STARD9: variants seen among roughly 807,000 people sequenced by gnomAD.
The protein encoded by STARD9 is stAR-related lipid transfer protein 9.
In STARD9, 346 loss-of-function variants were observed where a neutral mutation model predicts 399.8. The observed-to-expected ratio is 0.87, with a 90% CI of 0.79 to 0.95. The LOEUF (loss-of-function observed/expected upper bound fraction) is 0.95, where lower values mean the gene tolerates loss of function less well. STARD9 is among the 40% of genes least tolerant of loss of function. The probability of loss-of-function intolerance (pLI) is 0.00; values close to 1 mark genes in which losing one functional copy is unlikely to be tolerated. For missense variants in STARD9, 5,832 were observed against 5,667.5 expected, an observed-to-expected ratio of 1.03 and a Z score of -0.93; for synonymous variants, 2,203 against 2,143.5, an observed-to-expected ratio of 1.03 and a Z score of -0.77.
chr15:42,645,318 A>G (rs1026476984), intron 7 of STARD9, among the ~76,000 whole-genome samples: 1 of 152,256 alleles, frequency 6.6e-6, no homozygotes, highest in Non-Finnish European at 1.5e-5. Context: ...TCCATTGGCC[A>G]TAGAACAGAT....
chr15:42,666,385 G>T (rs537881956), intron 15 of STARD9, among the ~76,000 whole-genome samples: 2 of 152,292 alleles, frequency 1.3e-5, no homozygotes, highest in South Asian at 4.1e-4. Context: ...GCCCTTGAAG[G>T]TTTGCTAGGG....
At chr15:42,643,735 A>G (rs1461497403) in intron 7 of STARD9, among the ~76,000 whole-genome samples, 2 of 152,148 alleles carry the variant, frequency 1.3e-5, no homozygotes, top group African/African-American at 2.4e-5. Context: ...TGACCTTGTG[A>G]TCTGCCTGCC....
intron 26 of STARD9, among the ~76,000 whole-genome samples, chr15:42,700,138 G>C (rs1337568528): frequency 2.0e-5 from 3 of 152,192 alleles, no homozygotes; most frequent in Admixed American, 1.3e-4. Flanking sequence ...TGGCTGAATA[G>C]TATTCCATTG....
chr15:42,648,427 TG>T (rs111417792), intron 7 of STARD9, among the ~76,000 whole-genome samples: 24 of 152,244 alleles, frequency 1.6e-4, no homozygotes, highest in African/African-American at 5.5e-4. Context: ...CCTCCCAAAG[TG>T]CTGGGATTAC....
At chr15:42,697,907 A>G (rs2060878808) in intron 26 of STARD9, among the ~76,000 whole-genome samples, 1 of 152,120 alleles carries the variant, frequency 6.6e-6, no homozygotes, top group South Asian at 2.1e-4. Flanking sequence ...CCCCGCCCTC[A>G]GTGTACCTAG....
chr15:42,703,666 C>A (rs1356464183), intron 26 of STARD9, among the ~76,000 whole-genome samples: 1 of 151,994 alleles, frequency 6.6e-6, no homozygotes, highest in Non-Finnish European at 1.5e-5. Context: ...GGCCACCGCG[C>A]CTGGCCACAT....
chr15:42,638,168 G>C, intron 6 of STARD9, 81 bp downstream of exon 6: 3 of 1,269,400 alleles, frequency 2.4e-6, no homozygotes, highest in Non-Finnish European at 3.3e-6. Flanking sequence ...TCCTCTCTTT[G>C]CTTCCAGAGT....
At chr15:42,654,802 T>A (rs935061121) in intron 9 of STARD9, among the ~76,000 whole-genome samples, 8 of 152,176 alleles carry the variant, frequency 5.3e-5, no homozygotes, top group Non-Finnish European at 8.8e-5. Context: ...TGGAAACATA[T>A]CTCATGCTCA....
At chr15:42,629,106 ACC>A (rs1340165474) in intron 3 of STARD9, among the ~76,000 whole-genome samples, 3 of 151,798 alleles carry the variant, frequency 2.0e-5, no homozygotes, top group Non-Finnish European at 4.4e-5. Flanking sequence ...TGTAGCCATG[ACC>A]TCCTGGGTGC....
chr15:42,647,455 C>G (rs1365358623), intron 7 of STARD9, among the ~76,000 whole-genome samples: 4 of 152,090 alleles, frequency 2.6e-5, no homozygotes, highest in Non-Finnish European at 5.9e-5. Flanking sequence ...GTTAAAACTT[C>G]CTGGTTCATT....
At position 42,665,351 on chromosome 15, in the gene STARD9, T is replaced by G. The variant is rs2060075907; in HGVS notation, c.1254+21T>G. 2.0e-6 allele frequency: 3 copies of G among 1,527,070 alleles called. No homozygotes were observed. In the Admixed American group the frequency reaches 5.9e-5, roughly 30 times the overall value. The allele number at this position is 1,527,070 out of a possible 1,614,324, so 94.6% of individuals were successfully genotyped here. A position where few individuals can be genotyped will look rare whatever the true frequency, so the allele number is the denominator to read the frequency against. ...AACTGGTATGCAGACAGTCAGAACC[T>G]TTCCGTACTTAAGTGAAATTCTCCT... On this transcript the variant is annotated intron_variant, in intron 14 of 32. Transcript: ENST00000290607.
At chr15:42,650,183 G>T (rs9920163) in intron 7 of STARD9, among the ~76,000 whole-genome samples, 39,642 of 151,960 alleles carry the variant, frequency 0.26, 5,881 homozygotes, top group African/African-American at 0.39. Flanking sequence ...CTTTTAAGTC[G>T]GCCTGGTAGC....
rs2060507061 is a variant in STARD9 at position 42,684,661 on chromosome 15, T to C, written c.3083T>C (p.Phe1028Ser). ...GGGCACGGAAAGGCAGTCAAGACTT[T>C]TTGGACAGAATACAAACCACCTTCT... is the stretch of plus-strand genomic sequence containing the variant. ...TAGHGKAVKT[F>S]WTEYKPPSPS... Residue 1028 changes from phenylalanine (F) to serine (S), a missense_variant, in exon 23 of 33, where the codon TTT becomes TCT. Coordinates refer to ENST00000290607, the MANE Select transcript of STARD9 (RefSeq NM_020759.3). The C allele has an allele frequency of 6.5e-7, 1 of 1,537,116 alleles. No homozygotes were observed.
chr15:42,637,976 G>A, intron 5 of STARD9, 37 bp downstream of exon 5: 1 of 1,537,230 alleles, frequency 6.5e-7, no homozygotes, highest in Non-Finnish European at 8.7e-7. Context: ...TCTCAAAGTA[G>A]GTCTCTCTAC....
rs188271346 is a variant in STARD9 at position 42,618,650 on chromosome 15, G to A, written c.235-16206G>A. ...TCTTGCTCTGTCACCAGGCTGGAGTGCAGTGGTGTGATCTCGGCTCACCGC... is the reference window on the plus strand; with the variant it reads ...TCTTGCTCTGTCACCAGGCTGGAGTACAGTGGTGTGATCTCGGCTCACCGC... On this transcript the variant is annotated intron_variant, in intron 3 of 32. Transcript: ENST00000290607. Among the ~76,000 whole-genome samples, 122 of 152,094 alleles carry A rather than the reference G, an allele frequency of 8.0e-4. No individual in the cohort carries two copies. The Middle Eastern group carries it at 0.01, about 13-fold the overall frequency.
intron 20 of STARD9, among the ~76,000 whole-genome samples, chr15:42,680,119 A>T (rs1046025290): frequency 2.0e-5 from 3 of 152,172 alleles, no homozygotes; most frequent in Non-Finnish European, 1.5e-5. Flanking sequence ...GTGCCCATAC[A>T]GTTGGCTCCT....
Position 42,690,558 on chromosome 15 carries a change from A to G in STARD9, c.8980A>G (p.Ile2994Val), listed in dbSNP as rs980068642. The G allele has an allele frequency of 7.2e-6, 11 of 1,536,948 alleles. No individual in the cohort carries two copies. The African/African-American group carries it at 8.2e-5, about 11-fold the overall frequency. The change falls in exon 23 of 33, where the codon ATC (isoleucine) becomes GTC (valine). Residue 2994 changes from isoleucine (I) to valine (V), a missense_variant. Transcript: ENST00000290607. The part of the protein sequence containing the change: ...KEPFKAAPHT[I>V]HPPCVVPSRA... ...GCCTTTCAAGGCTGCCCCACATACT[A>G]TCCACCCACCCTGTGTAGTACCTTC...
intron 26 of STARD9, among the ~76,000 whole-genome samples, chr15:42,707,289 T>C (rs897810814): frequency 6.6e-6 from 1 of 152,170 alleles, no homozygotes; most frequent in African/African-American, 2.4e-5. Context: ...TGAGAGAACA[T>C]GTAAGGAATT....
rs190820260 is a variant in STARD9, at chr15:42,679,824, A to T, written c.1875-1598A>T. Among the ~76,000 whole-genome samples, 333 of 152,242 alleles carry T rather than the reference A, an allele frequency of 2.2e-3. 5 individuals carry two copies. In the South Asian group the frequency reaches 0.034, roughly 15 times the overall value. On this transcript the variant is annotated intron_variant, in intron 20 of 32. Transcript: ENST00000290607. Reference sequence around the variant, plus strand: ...AAAACAGGCAGCAGACCAGATTTGGACTCATAGGCTTTCATTCGTGGACCT... The same window carrying T: ...AAAACAGGCAGCAGACCAGATTTGGTCTCATAGGCTTTCATTCGTGGACCT...
Sources: gnomAD v4.1 joint callset for allele counts (sites outside exome capture counted in the v4.1 genomes callset) on GRCh38, gnomAD v4.1.1 for gene constraint, MANE v1.5 for transcripts, NCBI Gene and HGNC (gene_info 2026-07-23, HGNC 2026-07-21) for gene names.